SVEP1: variants seen among roughly 807,000 people sequenced by gnomAD.
The protein encoded by SVEP1 is sushi, von Willebrand factor type A, EGF and pentraxin domain-containing protein 1.
In SVEP1, 164 loss-of-function variants were observed where a neutral mutation model predicts 367.3. The ratio of observed to expected loss-of-function variants is 0.45; its 90% confidence interval spans 0.39 to 0.51. The LOEUF (loss-of-function observed/expected upper bound fraction) is 0.51, where lower values mean the gene tolerates loss of function less well. Among genes scored for constraint, SVEP1 ranks in the 20% least tolerant of loss-of-function variants. The probability of loss-of-function intolerance (pLI) is 0.00; values close to 1 mark genes in which losing one functional copy is unlikely to be tolerated. For missense variants in SVEP1, 4,117 were observed against 4,425.3 expected (o/e 0.93, Z 1.98); for synonymous variants, 1,666 against 1,611.6 (o/e 1.03, Z -0.81).
At chr9:110,489,456 T>A (rs1031790030) in intron 9 of SVEP1, among the ~76,000 whole-genome samples, 194 bp downstream of exon 9, 1 of 152,102 alleles carries the variant, frequency 6.6e-6, no homozygotes, top group African/African-American at 2.4e-5. Flanking sequence ...AGAGAGCACG[T>A]GCAGGGGAAC....
intron 46 of SVEP1, among the ~76,000 whole-genome samples, chr9:110,375,093 T>C (rs1030433068): frequency 3.3e-5 from 5 of 152,072 alleles, no homozygotes; most frequent in Admixed American, 2.6e-4. Flanking sequence ...TAATGTCTTC[T>C]CTATGCTCTG....
intron 36 of SVEP1, 141 bp downstream of exon 36, chr9:110,427,450 G>T: frequency 1.0e-6 from 1 of 963,186 alleles, no homozygotes; most frequent in Non-Finnish European, 1.5e-6. Context: ...GTCTCTGCAG[G>T]TAGGAAATAA....
rs759700246 is a variant in SVEP1, at chr9:110,472,320, G to A, written c.2603C>T (p.Pro868Leu). ...CCTATTAGCTGCACCCCAGCCACCT[G>A]GTCCTGGATAGTCGGGGCAGAGACA... ...YDYENGFAIG[P>L]GGWGAANRLD... Residue 868 changes from proline to leucine, a missense_variant, in exon 15 of 48, where the codon CCA (proline) becomes CTA (leucine). Physicochemically the swap from Pro to Leu is moderately conservative, Grantham distance 98 (BLOSUM62 -3). This residue lies in a region of SVEP1 where 2,174 missense variants were observed against 2,494.3 expected (regional missense o/e 0.87). Transcript: ENST00000374469. 2.5e-6 allele frequency: 4 copies of A among 1,580,658 alleles called. No individual in the cohort carries two copies. Among genetic ancestry groups the A allele is most frequent in the African/African-American group, 2.7e-5 (2 of 72,840 alleles).
In SVEP1 at chr9:110,455,681, G is replaced by C. The variant is rs776949127; in HGVS notation, c.3696C>G (p.Ile1232Met). The C allele has an allele frequency of 6.2e-7, 1 of 1,611,392 alleles. No individual in the cohort carries two copies. The highest frequency in any genetic ancestry group is 8.5e-7 in the Non-Finnish European group (1 of 1,178,680). Residue 1232 changes from isoleucine (I) to methionine (M), a missense_variant, in exon 22 of 48, where the codon ATC becomes ATG. Around this residue, in one of 4 missense-constraint regions of SVEP1, gnomAD observed 2,174 missense variants for 2,494.3 expected, o/e 0.87. Coordinates refer to ENST00000374469, the MANE Select transcript of SVEP1 (RefSeq NM_153366.4). ...GYTGLKCETD[I>M]DECSPLPCLN... ...GGCAAGGCAGTGGGCTGCACTCATC[G>C]ATGTCTGTTTCACACTTTAAGCCTA...
At chr9:110,455,563 G>T (rs1245458292) in intron 22 of SVEP1, 27 bp downstream of exon 22, 6 of 1,540,702 alleles carry the variant, frequency 3.9e-6, no homozygotes, top group Middle Eastern at 1.7e-4. Context: ...GATTTATATT[G>T]TTGAAAACAG....
In SVEP1 at chr9:110,390,257, AAG is replaced by A. The variant is rs1479845671; in HGVS notation, c.9823-672_9823-671del. Among the ~76,000 whole-genome samples, 31 of 119,942 alleles carry A rather than the reference AAG, an allele frequency of 2.6e-4. 3 individuals are homozygous for A. Among genetic ancestry groups the A allele is most frequent in the Non-Finnish European group, 4.3e-4 (25 of 57,472 alleles). 78.7% of individuals were successfully genotyped at this position (119,942 alleles called of 152,430 possible). ...TAAGTATGTGTATATATACTTATAT[AAG>A]TATGTATATATATACTTATATATAT... On this transcript the variant is annotated intron_variant, in intron 40 of 47. Transcript: ENST00000374469.
At chr9:110,511,809 G>A (rs1054311968) in intron 5 of SVEP1, among the ~76,000 whole-genome samples, 1 of 152,018 alleles carries the variant, frequency 6.6e-6, no homozygotes, top group African/African-American at 2.4e-5. Context: ...GTCATGAGTA[G>A]GTGGTTCTCC....
chr9:110,366,511 T>C lies in SVEP1; in HGVS notation c.*28A>G. The C allele has an allele frequency of 6.5e-7, 1 of 1,544,534 alleles. No individual in the cohort carries two copies. Among genetic ancestry groups the C allele is most frequent in the South Asian group, 1.2e-5 (1 of 80,138 alleles). ...CTACCGAGGAGAGATGATCCTGCTT[T>C]TGGGAGAGCCAGATGGTCGTGCAGT... On this transcript the variant is annotated 3_prime_UTR_variant, in exon 48 of 48. Coordinates refer to ENST00000374469, the MANE Select transcript of SVEP1 (RefSeq NM_153366.4).
At chr9:110,510,423 T>A (rs1252234404) in intron 5 of SVEP1, among the ~76,000 whole-genome samples, 1 of 152,094 alleles carries the variant, frequency 6.6e-6, no homozygotes, top group Non-Finnish European at 1.5e-5. Context: ...CCCTGACACA[T>A]AGCATAAGAA....
chr9:110,428,915 C>T (rs1828303486), intron 35 of SVEP1, among the ~76,000 whole-genome samples: 1 of 152,072 alleles, frequency 6.6e-6, no homozygotes, highest in Non-Finnish European at 1.5e-5. Context: ...GTACAAAATA[C>T]AAAAATTAGC....
chr9:110,502,789 G>A (rs77133716), intron 6 of SVEP1, among the ~76,000 whole-genome samples: 2 of 152,104 alleles, frequency 1.3e-5, no homozygotes, highest in Admixed American at 6.5e-5. Context: ...AAGAAAAAAG[G>A]CATGGTCATT....
At chr9:110,467,325 A>G (rs781130002) in intron 17 of SVEP1, among the ~76,000 whole-genome samples, 1 of 152,246 alleles carries the variant, frequency 6.6e-6, no homozygotes, top group Non-Finnish European at 1.5e-5. Flanking sequence ...ATCTCATCAC[A>G]TCAGACACTA....
In SVEP1 at chr9:110,451,272, G is replaced by T. The variant is rs776222557; in HGVS notation, c.3901+17C>A. 2 of 1,585,560 alleles carry T rather than the reference G, an allele frequency of 1.3e-6. No homozygotes were observed. Among genetic ancestry groups the T allele is most frequent in the Admixed American group, 1.7e-5 (1 of 59,888 alleles). On this transcript the variant is annotated intron_variant, in intron 23 of 47. Coordinates refer to ENST00000374469, the MANE Select transcript of SVEP1 (RefSeq NM_153366.4). ...ACAAGATTTTAAGACAACATAGGAAGACTGGAAACATCTTACCTACAAATC... is the reference window on the plus strand; with the variant it reads ...ACAAGATTTTAAGACAACATAGGAATACTGGAAACATCTTACCTACAAATC...
At chr9:110,475,933 A>T (rs1165906326) in intron 14 of SVEP1, 7 of 321,684 alleles carry the variant, frequency 2.2e-5, no homozygotes, top group Non-Finnish European at 4.0e-5. Context: ...ATACATCAAC[A>T]TTTGAATTTT....
chr9:110,403,592 C>T (rs533348157), intron 39 of SVEP1, among the ~76,000 whole-genome samples: 5 of 151,718 alleles, frequency 3.3e-5, no homozygotes, highest in Admixed American at 6.6e-5. Flanking sequence ...CGTGAGCCAC[C>T]GTGCCCGGCC....
chr9:110,388,813 C>CA (rs1281941164), intron 41 of SVEP1, among the ~76,000 whole-genome samples: 10 of 151,700 alleles, frequency 6.6e-5, no homozygotes, highest in African/African-American at 2.4e-4. Context: ...TACTGAAATA[C>CA]AAAAAATTAC....
intron 2 of SVEP1, 21 bp from the exon 3 acceptor site, chr9:110,546,312 AGGGCG>A: frequency 6.4e-7 from 1 of 1,564,212 alleles, no homozygotes. Flanking sequence ...CATATGACAG[AGGGCG>A]ATAAAAATGA....
intron 22 of SVEP1, among the ~76,000 whole-genome samples, chr9:110,454,647 T>C (rs368087679): frequency 9.2e-5 from 14 of 152,320 alleles, no homozygotes; most frequent in African/African-American, 3.1e-4. Context: ...CACAAAATCA[T>C]GTCGTTTGCA....
intron 24 of SVEP1, 115 bp downstream of exon 24, chr9:110,449,943 GC>G: frequency 5.8e-6 from 7 of 1,198,202 alleles, no homozygotes; most frequent in Non-Finnish European, 8.4e-6. Context: ...CTATCCTCGG[GC>G]CAGCATTTGA....
Sources: allele counts gnomAD v4.1 joint callset (sites outside exome capture counted in the v4.1 genomes callset), GRCh38; gene constraint gnomAD v4.1.1; regional missense constraint gnomAD v4.1.1; transcripts MANE v1.5; gene names NCBI Gene and HGNC (gene_info 2026-07-23, HGNC 2026-07-21).